Variants in KIR2DL3 observed in about 807,000 individuals in gnomAD.
The protein encoded by KIR2DL3 is killer cell immunoglobulin-like receptor 2DL3.
A neutral mutation model predicts 33.8 loss-of-function variants in KIR2DL3; 39 were observed. The observed-to-expected ratio is 1.15, with a 90% confidence interval of 0.89 to 1.51. The LOEUF is 1.51. Ranked by LOEUF, KIR2DL3 falls within the 40% of genes most tolerant of loss-of-function variation. The pLI, the probability that KIR2DL3 is intolerant of heterozygous loss-of-function variation, is 0.00. For synonymous variants in KIR2DL3, 174 were observed against 160.2 expected (o/e 1.09, Z -0.65); for missense variants, 462 against 426.2 (o/e 1.08, Z -0.74).
chr19:54,752,401 A>G lies in KIR2DL3; in HGVS notation c.908A>G (p.Tyr303Cys). 2 of 1,470,322 alleles carry G rather than the reference A, an allele frequency of 1.4e-6. No homozygotes were observed. The highest frequency in any genetic ancestry group is 1.9e-6 in the Non-Finnish European group (2 of 1,080,448). The allele number at this position is 1,470,322 out of a possible 1,614,324, so 91.1% of individuals were successfully genotyped here. ...SDEQDPQEVT[Y>C]AQLNHCVFTQ... ...GAACAAGACCCTCAGGAGGTGACATATGCACAGTTGAATCACTGCGTTTTC... is the reference window on the plus strand; with the variant it reads ...GAACAAGACCCTCAGGAGGTGACATGTGCACAGTTGAATCACTGCGTTTTC... The change falls in exon 8 of 8, where the codon TAT becomes TGT. Residue 303 changes from tyrosine to cysteine, a missense_variant. Physicochemically the swap from Tyr to Cys is radical, Grantham distance 194. Coordinates refer to ENST00000342376, the MANE Select transcript of KIR2DL3 (RefSeq NM_015868.3).
intron 2 of KIR2DL3, among the ~76,000 whole-genome samples, chr19:54,741,257 T>C (rs1246993400): frequency 1.3e-5 from 2 of 151,180 alleles, no homozygotes; most frequent in Non-Finnish European, 2.9e-5. Flanking sequence ...GGAGAATCAC[T>C]TGAACCCAGG....
intron 4 of KIR2DL3, among the ~76,000 whole-genome samples, chr19:54,744,366 T>A (rs1393436289): frequency 2.0e-5 from 3 of 152,138 alleles, no homozygotes; most frequent in Non-Finnish European, 4.4e-5. Context: ...TTTGGGAAGA[T>A]CAGAGGTTCC....
intron 1 of KIR2DL3, 98 bp downstream of exon 1, chr19:54,738,677 G>C: frequency 1.3e-6 from 2 of 1,584,768 alleles, no homozygotes; most frequent in South Asian, 1.1e-5. Context: ...TGGGCCTAGA[G>C]ATGGAGTGAT....
chr19:54,744,250 A>G (rs1195739098), intron 4 of KIR2DL3, among the ~76,000 whole-genome samples, 162 bp downstream of exon 4: 1 of 152,156 alleles, frequency 6.6e-6, no homozygotes, highest in East Asian at 1.9e-4. Context: ...GGCACCTCCA[A>G]ACCCTCCTAC....
chr19:54,742,446 C>T (rs1205382894), intron 3 of KIR2DL3, among the ~76,000 whole-genome samples, 167 bp downstream of exon 3: 1 of 151,448 alleles, frequency 6.6e-6, no homozygotes, highest in African/African-American at 2.4e-5. Flanking sequence ...GACACAAGTA[C>T]AGACCAGGTG....
intron 5 of KIR2DL3, among the ~76,000 whole-genome samples, chr19:54,750,289 GC>G (rs1342444699): frequency 7.3e-6 from 1 of 136,700 alleles, no homozygotes; most frequent in Non-Finnish European, 1.6e-5. Context: ...AGAGATCAGT[GC>G]CAGCACTAGC....
rs2070411795 is a variant in KIR2DL3 at position 54,739,011 on chromosome 19, G to A, written c.34+432G>A. 2.0e-5 allele frequency among the ~76,000 whole-genome samples: 3 copies of A among 147,518 alleles called. No homozygotes were observed. In the South Asian group the frequency reaches 6.7e-4, roughly 33 times the overall value. On this transcript the variant is annotated intron_variant, in intron 1 of 7. Coordinates refer to ENST00000342376, the MANE Select transcript of KIR2DL3 (RefSeq NM_015868.3). Reference sequence around the variant, plus strand: ...GAGGTGGAGATACGGGCCTGCAGTAGAGATATGGGCCTGGAGTGGAGATAT... The same window carrying A: ...GAGGTGGAGATACGGGCCTGCAGTAAAGATATGGGCCTGGAGTGGAGATAT...
Position 54,742,269 on chromosome 19 carries a change from C to T in KIR2DL3, c.360C>T (p.Ile120=), listed in dbSNP as rs771556841. ...QLSAPSDPLD[I]VITGLYEKPS... is the part of the protein sequence containing the mutation. ...CAGCTCCCAGTGACCCTCTGGACAT[C>T]GTCATCACAGGTGAGAGTGTCCGGA... Residue 120 remains isoleucine (I), a synonymous_variant, in exon 3 of 8, where the codon ATC becomes ATT. Transcript: ENST00000342376. The T allele has an allele frequency of 1.5e-5, 25 of 1,613,894 alleles. No homozygotes were observed. The South Asian group carries it at 2.4e-4, about 16-fold the overall frequency.
intron 1 of KIR2DL3, among the ~76,000 whole-genome samples, chr19:54,739,242 A>G (rs1442431371): frequency 2.1e-5 from 2 of 96,438 alleles, no homozygotes; most frequent in Non-Finnish European, 4.9e-5. Context: ...CCTAGGGTGG[A>G]GATCTGAGCC....
At chr19:54,740,598 C>A (rs1373797696) in intron 2 of KIR2DL3, among the ~76,000 whole-genome samples, 1 of 151,576 alleles carries the variant, frequency 6.6e-6, no homozygotes, top group African/African-American at 2.4e-5. Flanking sequence ...CCTCCTGAAT[C>A]CCAGAGCTTC....
intron 4 of KIR2DL3, among the ~76,000 whole-genome samples, chr19:54,744,438 A>T (rs1464632407): frequency 6.6e-6 from 1 of 152,132 alleles, no homozygotes; most frequent in Non-Finnish European, 1.5e-5. Flanking sequence ...CCACACAGGG[A>T]TGTCATCACC....
At chr19:54,750,353 T>C (rs2073223554) in intron 5 of KIR2DL3, among the ~76,000 whole-genome samples, 1 of 141,672 alleles carries the variant, frequency 7.1e-6, no homozygotes. Context: ...ATTGAAGCAA[T>C]AGATGGCCGA....
chr19:54,743,327 A>G (rs2071548609), intron 3 of KIR2DL3, among the ~76,000 whole-genome samples: 4 of 152,182 alleles, frequency 2.6e-5, no homozygotes, highest in Non-Finnish European at 5.9e-5. Context: ...GATGATACAT[A>G]CATATAAATA....
At chr19:54,751,530 C>G in intron 5 of KIR2DL3, 119 bp from the exon 6 acceptor site, 1 of 864,514 alleles carries the variant, frequency 1.2e-6, no homozygotes, top group Non-Finnish European at 1.8e-6. Flanking sequence ...CTCCCTCCAT[C>G]TGGGTGCTTG....
chr19:54,739,913 C>G (rs918233401), intron 2 of KIR2DL3, among the ~76,000 whole-genome samples: 2 of 152,226 alleles, frequency 1.3e-5, no homozygotes, highest in Non-Finnish European at 2.9e-5. Flanking sequence ...CCCTGACATT[C>G]CAAATCCTCT....
At chr19:54,745,431 T>C (rs564812534) in intron 4 of KIR2DL3, among the ~76,000 whole-genome samples, 4 of 151,744 alleles carry the variant, frequency 2.6e-5, no homozygotes, top group African/African-American at 9.7e-5. Flanking sequence ...GAAGTCATCT[T>C]GGCTCATTGC....
intron 4 of KIR2DL3, among the ~76,000 whole-genome samples, chr19:54,746,021 C>G (rs2072429893): frequency 7.6e-6 from 1 of 131,176 alleles, no homozygotes; most frequent in African/African-American, 2.9e-5. Context: ...TCATGTGGGT[C>G]AGACTGGTCT....
At position 54,751,398 on chromosome 19, in the gene KIR2DL3, G is replaced by A. The variant is rs1281425212; in HGVS notation, c.716-251G>A. ...CTCAAGAGGCCCAACCTCCCACAGT[G>A]GGGGTGAAATTTCAATGTGAGGTTT... On this transcript the variant is annotated intron_variant, in intron 5 of 7. Transcript: ENST00000342376. Among the ~76,000 whole-genome samples the A allele has an allele frequency of 3.8e-5, 5 of 132,590 alleles. 2 individuals are homozygous for A. Among genetic ancestry groups the A allele is most frequent in the Admixed American group, 1.6e-4 (2 of 12,832 alleles). 87.0% of individuals were successfully genotyped at this position (132,590 alleles called of 152,430 possible).
intron 2 of KIR2DL3, among the ~76,000 whole-genome samples, chr19:54,740,579 C>A (rs1194543165): frequency 3.0e-5 from 4 of 133,998 alleles, no homozygotes; most frequent in Non-Finnish European, 6.4e-5. Context: ...TTGGATTCTC[C>A]TTGTCCCACC....
Sources: allele counts gnomAD v4.1 joint callset (sites outside exome capture counted in the v4.1 genomes callset), GRCh38; gene constraint gnomAD v4.1.1; transcripts MANE v1.5; gene names NCBI Gene and HGNC (gene_info 2026-07-23, HGNC 2026-07-21).